EXT2: variants seen among roughly 807,000 people sequenced by gnomAD.
The protein encoded by EXT2 is exostosin-2.
In EXT2, 53 loss-of-function variants were observed where a neutral mutation model predicts 81.6. The ratio of observed to expected loss-of-function variants is 0.65; its 90% CI spans 0.52 to 0.82. The LOEUF is 0.82. Among genes scored for constraint, EXT2 ranks in the 40% least tolerant of loss-of-function variants. EXT2 has a pLI of 0.00. For missense variants in EXT2, 774 were observed against 910.2 expected (o/e 0.85, Z 1.93); for synonymous variants, 320 against 340.0 (o/e 0.94, Z 0.65).
At chr11:44,213,968 A>C (rs1291272750) in intron 10 of EXT2, among the ~76,000 whole-genome samples, 2 of 152,238 alleles carry the variant, frequency 1.3e-5, no homozygotes, top group Non-Finnish European at 2.9e-5. Flanking sequence ...CTTATTTCAA[A>C]TAGTAATTAG....
chr11:44,157,610 G>A (rs751013811), intron 7 of EXT2, among the ~76,000 whole-genome samples: 44 of 152,120 alleles, frequency 2.9e-4, no homozygotes, highest in Non-Finnish European at 4.0e-4. Context: ...GGCCTGGGTC[G>A]CTCCCTTCGG....
chr11:44,219,613 C>T (rs1211282938), intron 10 of EXT2, among the ~76,000 whole-genome samples: 1 of 152,166 alleles, frequency 6.6e-6, no homozygotes, highest in East Asian at 1.9e-4. Flanking sequence ...ATTTACATTC[C>T]AGAATCTTAA....
intron 7 of EXT2, among the ~76,000 whole-genome samples, chr11:44,159,554 C>T (rs1954902343): frequency 6.6e-6 from 1 of 152,242 alleles, no homozygotes; most frequent in South Asian, 2.1e-4. Flanking sequence ...ATGTTGTCTG[C>T]CTTTTCCATT....
At chr11:44,125,582 G>T (rs1022134963) in intron 5 of EXT2, among the ~76,000 whole-genome samples, 1 of 152,090 alleles carries the variant, frequency 6.6e-6, no homozygotes, top group Non-Finnish European at 1.5e-5. Flanking sequence ...ACATTCCAAG[G>T]GTATGGGGGC....
intron 1 of EXT2, among the ~76,000 whole-genome samples, chr11:44,105,698 T>C (rs1954044310): frequency 6.6e-6 from 1 of 152,138 alleles, no homozygotes. Flanking sequence ...GGCTCTGCCC[T>C]CCCCCGAAAC....
chr11:44,137,026 A>G (rs779206599), intron 7 of EXT2, among the ~76,000 whole-genome samples: 9 of 151,710 alleles, frequency 5.9e-5, no homozygotes, highest in Non-Finnish European at 1.3e-4. Context: ...GAATTTTCCT[A>G]GTATGTATAT....
At chr11:44,203,005 G>A (rs1955539145) in intron 9 of EXT2, among the ~76,000 whole-genome samples, 1 of 152,158 alleles carries the variant, frequency 6.6e-6, no homozygotes, top group Non-Finnish European at 1.5e-5. Context: ...AAGTAAAAGG[G>A]CATGTTGTGC....
chr11:44,098,319 GT>G (rs1157718898), intron 1 of EXT2, among the ~76,000 whole-genome samples: 1 of 152,124 alleles, frequency 6.6e-6, no homozygotes, highest in Non-Finnish European at 1.5e-5. Context: ...AGGTTGGAGT[GT>G]CCTGAGTCGG....
intron 5 of EXT2, among the ~76,000 whole-genome samples, chr11:44,125,746 GCTGCACTCCTC>G (rs1954392310): frequency 6.6e-6 from 1 of 151,920 alleles, no homozygotes; most frequent in Non-Finnish European, 1.5e-5. Context: ...TTCAAAAAGT[GCTGCACTCCTC>G]CTGGAATGTC....
intron 1 of EXT2, chr11:44,104,884 A>G (rs1408495064): frequency 6.6e-6 from 1 of 152,258 alleles, no homozygotes; most frequent in Non-Finnish European, 1.5e-5. Flanking sequence ...CATTTCTGTC[A>G]TAGAACAATT....
chr11:44,096,193 C>T (rs1203901501), intron 1 of EXT2: 1 of 1,478,450 alleles, frequency 6.8e-7, no homozygotes, highest in Admixed American at 2.0e-5. Context: ...TCCGCCGTGA[C>T]CCCTCCCTTC....
chr11:44,212,504 G>A (rs928746031), intron 10 of EXT2, among the ~76,000 whole-genome samples: 1 of 152,012 alleles, frequency 6.6e-6, no homozygotes, highest in South Asian at 2.1e-4. Flanking sequence ...ACTGAGTGTT[G>A]GTGAGGCTGT....
intron 10 of EXT2, among the ~76,000 whole-genome samples, chr11:44,214,056 A>G (rs1955684501): frequency 6.6e-6 from 1 of 152,186 alleles, no homozygotes; most frequent in Non-Finnish European, 1.5e-5. Flanking sequence ...TAGGTGCCAC[A>G]TTCTTTGCTT....
rs112279254 is a variant in EXT2 at position 44,247,869 on chromosome 11, T to C, written c.*3582T>C. 3.9e-3 allele frequency among the ~76,000 whole-genome samples: 597 copies of C among 152,344 alleles called. 6 individuals are homozygous for C. The highest frequency in any genetic ancestry group is 0.014 in the African/African-American group (573 of 41,582). On this transcript the variant is annotated 3_prime_UTR_variant, in exon 14 of 14. Transcript: ENST00000533608. ...CTAGAGCGTCTTTATCACTGAAAGA[T>C]AGCACGTTTCTAGCCACAGGTTCTG...
rs200013805 is a variant in EXT2, at chr11:44,201,240, GAC to G, written c.1495+3226_1495+3227del. Among the ~76,000 whole-genome samples the G allele has an allele frequency of 5.8e-4, 88 of 152,308 alleles. 1 individual carries two copies. The East Asian group carries it at 0.011, about 20-fold the overall frequency. ...GTTGGGCCTGAAGATTTCTAGCTAT[GAC>G]ACAGTTTCTGTCTGCATTCTAGGGG... On this transcript the variant is annotated intron_variant, in intron 9 of 13. Coordinates refer to ENST00000533608, the MANE Select transcript of EXT2 (RefSeq NM_207122.2).
intron 12 of EXT2, 43 bp downstream of exon 12, chr11:44,234,286 A>G (rs1419907667): frequency 2.5e-6 from 4 of 1,580,920 alleles, no homozygotes; most frequent in South Asian, 1.1e-5. Flanking sequence ...TCTTGGGCAA[A>G]TATCTATTAT....
chr11:44,151,327 G>GT (rs1049548248), intron 7 of EXT2, among the ~76,000 whole-genome samples: 57 of 152,148 alleles, frequency 3.7e-4, no homozygotes, highest in African/African-American at 1.2e-3. Flanking sequence ...ATCTACCATT[G>GT]TAATATACAG....
intron 7 of EXT2, among the ~76,000 whole-genome samples, chr11:44,134,415 TG>T (rs1256226845): frequency 2.6e-5 from 4 of 152,180 alleles, no homozygotes; most frequent in Non-Finnish European, 5.9e-5. Context: ...AGGTACATTA[TG>T]GGTCATTAAG....
intron 7 of EXT2, among the ~76,000 whole-genome samples, chr11:44,170,468 CAAA>C (rs1955054649): frequency 6.6e-6 from 1 of 151,826 alleles, no homozygotes; most frequent in Admixed American, 6.6e-5. Flanking sequence ...AAAATCAGAA[CAAA>C]AACTAGCAAA....
Sources: allele counts gnomAD v4.1 joint callset (sites outside exome capture counted in the v4.1 genomes callset), GRCh38; gene constraint gnomAD v4.1.1; transcripts MANE v1.5; gene names NCBI Gene and HGNC (gene_info 2026-07-23, HGNC 2026-07-21).